Variants in GCNA observed in about 807,000 individuals in gnomAD.
GCNA encodes germ cell nuclear acidic peptidase.
GCNA carries 3 observed loss-of-function variants against 38.8 expected under a neutral mutation model. That is an observed-to-expected ratio of 0.08 (90% confidence interval 0.04 to 0.20). The LOEUF (loss-of-function observed/expected upper bound fraction) is 0.20. GCNA is among the 10% of genes least tolerant of loss of function. GCNA has a pLI of 1.00. For missense variants in GCNA, 446 were observed against 578.6 expected (o/e 0.77, Z 2.35); for synonymous variants, 195 against 240.2 (o/e 0.81, Z 1.74).
At chrX:71,601,172 C>T (rs1006875526) in intron 7 of GCNA, among the ~76,000 whole-genome samples, 1 of 111,104 alleles carries the variant, frequency 9.0e-6, no homozygotes, top group Non-Finnish European at 1.9e-5. Context: ...GGTGAAACCC[C>T]GTCTCTACTA....
intron 6 of GCNA, among the ~76,000 whole-genome samples, chrX:71,597,104 C>T (rs760509193): frequency 9.1e-6 from 1 of 110,485 alleles, no homozygotes; most frequent in Admixed American, 9.7e-5. Context: ...AAAGGTGAGA[C>T]GAGAACCAAA....
intron 1 of GCNA, among the ~76,000 whole-genome samples, chrX:71,579,845 G>A (rs1490378193): frequency 9.4e-6 from 1 of 106,838 alleles, no homozygotes; most frequent in Non-Finnish European, 1.9e-5. Flanking sequence ...AATGGTGGGG[G>A]TAGGGTCCAG....
rs754042667 is a variant in GCNA at position 71,610,959 on chromosome X, G to C, written c.1750+140G>C. On this transcript the variant is annotated intron_variant, in intron 11 of 12. Coordinates refer to ENST00000373696, the MANE Select transcript of GCNA (RefSeq NM_052957.5). Reference sequence around the variant, plus strand: ...GGGCAGGCATGCTGTGTGTTGCTTAGAGGACATAGTTATTGGATGTCTCAC... The same window carrying C: ...GGGCAGGCATGCTGTGTGTTGCTTACAGGACATAGTTATTGGATGTCTCAC... 22 of 845,421 alleles carry C rather than the reference G, an allele frequency of 2.6e-5. No individual in the cohort carries two copies. The South Asian group carries it at 4.9e-4, about 19-fold the overall frequency. The allele number at this position is 845,421 out of a possible 1,213,427, so 69.7% of individuals were successfully genotyped here. A position where few individuals can be genotyped will look rare whatever the true frequency, so the allele number is the denominator to read the frequency against.
rs372770394 is a variant in GCNA, at chrX:71,598,068, A to T, written c.310+30A>T. On this transcript the variant is annotated intron_variant, in intron 7 of 12. Transcript: ENST00000373696. ...GTATATATTACTTTGTTAGATAAGTAGCTGAGCTCCAAAGCCTCATCACAC... is the reference window on the plus strand; with the variant it reads ...GTATATATTACTTTGTTAGATAAGTTGCTGAGCTCCAAAGCCTCATCACAC... The T allele has an allele frequency of 7.4e-5, 80 of 1,080,676 alleles. No homozygotes were observed. The African/African-American group carries it at 1.1e-3, about 15-fold the overall frequency. The allele number at this position is 1,080,676 out of a possible 1,213,427, so 89.1% of individuals were successfully genotyped here.
intron 1 of GCNA, among the ~76,000 whole-genome samples, chrX:71,579,678 G>A (rs945026031): frequency 3.7e-5 from 4 of 107,742 alleles, no homozygotes; most frequent in Non-Finnish European, 7.7e-5. Context: ...GGAGACAGGA[G>A]TGGGGTAGGG....
Position 71,584,690 on chromosome X carries a change from C to G in GCNA, c.59+3810C>G, listed in dbSNP as rs939661469. On this transcript the variant is annotated intron_variant, in intron 2 of 12. Coordinates refer to ENST00000373696, the MANE Select transcript of GCNA (RefSeq NM_052957.5). ...CCATCCTGGCTAACACAGTGAAACT[C>G]CATCTCTAGTAAAAATACAAAAACA... 7.2e-5 allele frequency among the ~76,000 whole-genome samples: 8 copies of G among 110,427 alleles called. No individual in the cohort carries two copies. In the East Asian group the frequency reaches 2.3e-3, roughly 32 times the overall value.
chrX:71,598,325 G>A (rs945106366), intron 7 of GCNA, among the ~76,000 whole-genome samples: 1 of 111,339 alleles, frequency 9.0e-6, no homozygotes, highest in Non-Finnish European at 1.9e-5. Flanking sequence ...TAGGGGTGGT[G>A]GGTCAAGAGC....
chrX:71,604,545 C>T lies in GCNA; in HGVS notation c.1268C>T (p.Pro423Leu). The T allele has an allele frequency of 8.4e-7, 1 of 1,192,687 alleles. No homozygotes were observed. Residue 423 changes from proline (P) to leucine (L), a missense_variant, in exon 8 of 13, where the codon CCA becomes CTA. Physicochemically the swap from Pro to Leu is moderately conservative, Grantham distance 98. This residue lies in a region of GCNA where 160 missense variants were observed against 165.2 expected (regional missense o/e 0.97). Transcript: ENST00000373696. ...RKSKTKTIVE[P>L]PRKRQTKTKN... Reference sequence around the variant, plus strand: ...TCAAAAACCAAAACTATTGTGGAGCCACCGAGGAAAAGGCAGACAAAGACC... The same window carrying T: ...TCAAAAACCAAAACTATTGTGGAGCTACCGAGGAAAAGGCAGACAAAGACC...
chrX:71,608,302 T>C (rs1197911004), intron 9 of GCNA, among the ~76,000 whole-genome samples: 2 of 112,245 alleles, frequency 1.8e-5, no homozygotes, highest in African/African-American at 6.5e-5. Flanking sequence ...AGACAGAGTC[T>C]CGCACTGTCG....
At chrX:71,598,264 G>C (rs746363697) in intron 7 of GCNA, among the ~76,000 whole-genome samples, 4 of 111,623 alleles carry the variant, frequency 3.6e-5, no homozygotes, top group African/African-American at 1.3e-4. Context: ...GACCTTGGGG[G>C]CCCCCTCAGT....
At chrX:71,602,289 C>T (rs963663898) in intron 7 of GCNA, among the ~76,000 whole-genome samples, 6 of 111,368 alleles carry the variant, frequency 5.4e-5, no homozygotes, top group South Asian at 3.8e-4. Flanking sequence ...CAGGTTCAAG[C>T]GATTCGCCTG....
chrX:71,604,617 A>G lies in GCNA; in HGVS notation c.1340A>G (p.Asn447Ser), dbSNP rs866260468. ...PPRKRQTKTK[N>S]IVEPLRKRKA... ...AGGAAAAGGCAGACAAAGACCAAAA[A>G]TATAGTGGAGCCACTGAGGAAGAGG... Residue 447 changes from asparagine to serine, a missense_variant, in exon 8 of 13, where the codon AAT (asparagine) becomes AGT (serine). By Grantham distance (46) the Asn-to-Ser change is conservative. This residue lies in a region of GCNA where 160 missense variants were observed against 165.2 expected (regional missense o/e 0.97). Coordinates refer to ENST00000373696, the MANE Select transcript of GCNA (RefSeq NM_052957.5). The G allele has an allele frequency of 1.7e-6, 2 of 1,202,959 alleles. No individual in the cohort carries two copies. Among genetic ancestry groups the G allele is most frequent in the African/African-American group, 3.5e-5 (2 of 57,132 alleles).
intron 7 of GCNA, among the ~76,000 whole-genome samples, chrX:71,601,334 C>A (rs926671052): frequency 3.7e-5 from 4 of 109,349 alleles, no homozygotes; most frequent in African/African-American, 1.3e-4. Context: ...AGCAAGACTC[C>A]ATCTCAAACA....
intron 2 of GCNA, among the ~76,000 whole-genome samples, chrX:71,584,116 G>A (rs1180382120): frequency 9.0e-6 from 1 of 111,409 alleles, no homozygotes; most frequent in Non-Finnish European, 1.9e-5. Flanking sequence ...CCAAAGTGCT[G>A]GGATTACAGG....
At chrX:71,596,627 A>C (rs1192341515) in intron 6 of GCNA, among the ~76,000 whole-genome samples, 1 of 112,057 alleles carries the variant, frequency 8.9e-6, no homozygotes, top group African/African-American at 3.2e-5. Context: ...TGTTTAAAGA[A>C]AATCAGTTTT....
At chrX:71,586,068 G>A (rs922983238) in intron 2 of GCNA, among the ~76,000 whole-genome samples, 2 of 108,636 alleles carry the variant, frequency 1.8e-5, no homozygotes, top group Non-Finnish European at 3.8e-5. Context: ...AGATGTGCAT[G>A]ATGCCATAGG....
At chrX:71,610,388 C>T (rs1404461389) in intron 10 of GCNA, among the ~76,000 whole-genome samples, 1 of 111,899 alleles carries the variant, frequency 8.9e-6, no homozygotes, top group African/African-American at 3.2e-5. Context: ...CCAAGGCAGG[C>T]GGATCACCTG....
chrX:71,590,144 A>G (rs951275560), intron 2 of GCNA, among the ~76,000 whole-genome samples: 3 of 111,989 alleles, frequency 2.7e-5, no homozygotes, highest in African/African-American at 9.7e-5. Context: ...GGTGGTGAAT[A>G]TTACTTGGAA....
chrX:71,593,407 C>T (rs920934320), intron 4 of GCNA, among the ~76,000 whole-genome samples: 44 of 111,926 alleles, frequency 3.9e-4, no homozygotes, highest in African/African-American at 1.4e-3. Context: ...TTGGATCTGG[C>T]TGACAGTGGA....
Sources: allele counts gnomAD v4.1 joint callset (sites outside exome capture counted in the v4.1 genomes callset), GRCh38; gene constraint gnomAD v4.1.1; regional missense constraint gnomAD v4.1.1; transcripts MANE v1.5; gene names NCBI Gene and HGNC (gene_info 2026-07-23, HGNC 2026-07-21).